NREP: variants seen among roughly 807,000 people sequenced by gnomAD.
The protein encoded by NREP is neuronal regeneration-related protein.
In NREP, 5 loss-of-function variants were observed where a neutral mutation model predicts 8.6. That is an observed-to-expected ratio of 0.58 (90% CI 0.30 to 1.22). The LOEUF is 1.22. NREP is among the 50% of genes most tolerant of loss of function. The probability of loss-of-function intolerance (pLI) is 0.07; values close to 1 mark genes in which losing one functional copy is unlikely to be tolerated. For synonymous variants in NREP, 27 were observed against 28.0 expected, an observed-to-expected ratio of 0.96 and a Z score of 0.11; for missense variants, 86 against 82.5, an observed-to-expected ratio of 1.04 and a Z score of -0.17.
At chr5:111,880,636 G>A (rs79592278) in intron 2 of NREP, among the ~76,000 whole-genome samples, 7,818 of 151,778 alleles carry the variant, frequency 0.052, 478 homozygotes, top group East Asian at 0.24. Flanking sequence ...ATCTCTAATC[G>A]TGGACACATT....
intron 2 of NREP, among the ~76,000 whole-genome samples, chr5:111,790,858 C>T (rs187550563): frequency 2.0e-5 from 3 of 151,868 alleles, no homozygotes; most frequent in Non-Finnish European, 2.9e-5. Context: ...TTTTGTTCAA[C>T]GAAATGAGGA....
chr5:111,850,728 T>A (rs1027328609), intron 2 of NREP, among the ~76,000 whole-genome samples: 3 of 152,176 alleles, frequency 2.0e-5, no homozygotes, highest in Non-Finnish European at 2.9e-5. Flanking sequence ...ACTACCCTTT[T>A]TGAAATATGT....
chr5:111,968,196 T>C (rs2048155), intron 2 of NREP, among the ~76,000 whole-genome samples: 58,058 of 151,750 alleles, frequency 0.38, 11,546 homozygotes, highest in South Asian at 0.57. Context: ...TAGGGAGATA[T>C]CATTCATGCC....
intron 2 of NREP, among the ~76,000 whole-genome samples, chr5:111,822,470 C>T (rs748786305): frequency 1.3e-5 from 2 of 152,192 alleles, no homozygotes; most frequent in African/African-American, 2.4e-5. Flanking sequence ...GGCTATCAAT[C>T]GGGATTCCTG....
At chr5:111,742,615 C>T (rs1749752599) in intron 2 of NREP, among the ~76,000 whole-genome samples, 1 of 152,048 alleles carries the variant, frequency 6.6e-6, no homozygotes, top group Admixed American at 6.6e-5. Flanking sequence ...AAAAGGTTAA[C>T]AGAATTACCC....
intron 2 of NREP, among the ~76,000 whole-genome samples, chr5:111,842,495 C>T (rs1421406374): frequency 6.6e-6 from 1 of 152,084 alleles, no homozygotes; most frequent in Non-Finnish European, 1.5e-5. Context: ...ACTTCTTCTG[C>T]CCCGACATTT....
At chr5:111,737,120 T>G (rs1470660407) in intron 2 of NREP, among the ~76,000 whole-genome samples, 4 of 152,162 alleles carry the variant, frequency 2.6e-5, no homozygotes, top group Admixed American at 2.6e-4. Context: ...TTTCCACATA[T>G]TCCTCTCCTG....
rs115275802 is a variant in NREP at position 111,966,047 on chromosome 5, T to C, written c.135+9227A>G. On this transcript the variant is annotated intron_variant, in intron 2 of 3. Coordinates refer to the NREP transcript ENST00000395634. ...GGTCAGTGATCACACCCAGAGATGC[T>C]GTATCAGGGCAAGTTACATTATAAT... 7.7e-3 allele frequency among the ~76,000 whole-genome samples: 1,171 copies of C among 152,302 alleles called. 11 individuals are homozygous for C. Among genetic ancestry groups the C allele is most frequent in the African/African-American group, 0.026 (1,096 of 41,582 alleles).
At chr5:111,766,037 C>G (rs1408922050) in intron 2 of NREP, among the ~76,000 whole-genome samples, 3 of 152,138 alleles carry the variant, frequency 2.0e-5, no homozygotes, top group African/African-American at 7.2e-5. Context: ...GAGGTTCCCT[C>G]TCCCCACTTC....
chr5:111,744,191 A>G (rs1389176181), intron 2 of NREP, among the ~76,000 whole-genome samples: 1 of 152,124 alleles, frequency 6.6e-6, no homozygotes, highest in Admixed American at 6.5e-5. Flanking sequence ...CCATCAATGT[A>G]TCCTCTTCTA....
chr5:111,744,524 C>A (rs545391230), intron 2 of NREP, among the ~76,000 whole-genome samples: 1 of 152,114 alleles, frequency 6.6e-6, no homozygotes, highest in Non-Finnish European at 1.5e-5. Flanking sequence ...AGAAAACTGT[C>A]AGAAAACTAA....
rs112401664 is a variant in NREP, at chr5:111,872,636, C to A, written c.135+102638G>T. On this transcript the variant is annotated intron_variant, in intron 2 of 3. Coordinates refer to the NREP transcript ENST00000395634. ...ATATGGTCCTATCTGCTTGAGTGAA[C>A]GTTTTGTACAAGGTATGGTTAGAAC... is the stretch of plus-strand genomic sequence containing the variant. Among the ~76,000 whole-genome samples the A allele has an allele frequency of 3.6e-3, 541 of 152,100 alleles. 3 individuals carry two copies. Among genetic ancestry groups the A allele is most frequent in the African/African-American group, 0.012 (509 of 41,494 alleles).
intron 2 of NREP, among the ~76,000 whole-genome samples, chr5:111,967,665 G>A: frequency 6.6e-6 from 1 of 151,856 alleles, no homozygotes; most frequent in South Asian, 2.1e-4. Flanking sequence ...GAGCGCCTCT[G>A]CCCAGCTGCC....
intron 2 of NREP, among the ~76,000 whole-genome samples, chr5:111,871,539 T>C (rs1245751740): frequency 1.3e-5 from 2 of 152,130 alleles, no homozygotes. Context: ...ATACATTAAT[T>C]GTAGCTTATT....
chr5:111,791,041 A>G (rs1304818252), intron 2 of NREP, among the ~76,000 whole-genome samples: 1 of 152,170 alleles, frequency 6.6e-6, no homozygotes, highest in African/African-American at 2.4e-5. Context: ...ATACTGAAAG[A>G]GGACTGTAAT....
intron 2 of NREP, among the ~76,000 whole-genome samples, chr5:111,816,287 G>C (rs1048273194): frequency 6.6e-6 from 1 of 152,002 alleles, no homozygotes; most frequent in Non-Finnish European, 1.5e-5. Flanking sequence ...ACAGGAAAAT[G>C]ATCCTACATA....
intron 2 of NREP, among the ~76,000 whole-genome samples, chr5:111,936,982 G>C (rs1196759625): frequency 6.6e-6 from 1 of 152,024 alleles, no homozygotes; most frequent in East Asian, 1.9e-4. Context: ...CCCCAGAGAA[G>C]CATTTCTCCT....
intron 2 of NREP, among the ~76,000 whole-genome samples, chr5:111,753,645 T>C (rs1750518982): frequency 6.6e-6 from 1 of 152,032 alleles, no homozygotes; most frequent in Non-Finnish European, 1.5e-5. Context: ...TTTTAAATTA[T>C]GTAACTGGAA....
At chr5:111,734,163 T>A (rs2112787081) in intron 3 of NREP, 1 of 152,668 alleles carries the variant, frequency 6.6e-6, no homozygotes, top group South Asian at 2.1e-4. Context: ...CTATGCCTAG[T>A]CTTGCCCCTC....
Sources: gnomAD v4.1 joint callset for allele counts (sites outside exome capture counted in the v4.1 genomes callset) on GRCh38, gnomAD v4.1.1 for gene constraint, MANE v1.5 for transcripts, NCBI Gene and HGNC (gene_info 2026-07-23, HGNC 2026-07-21) for gene names.